FAM20B: variants seen among roughly 807,000 people sequenced by gnomAD.
The protein encoded by FAM20B is FAM20B glycosaminoglycan xylosylkinase.
A neutral mutation model predicts 43.8 loss-of-function variants in FAM20B; 23 were observed. That is an observed-to-expected ratio of 0.53 (90% CI 0.38 to 0.74). FAM20B has a LOEUF of 0.74. FAM20B is among the 30% of genes least tolerant of loss of function. The pLI is 0.00. For missense variants in FAM20B, 440 were observed against 510.5 expected (o/e 0.86, Z 1.33); for synonymous variants, 178 against 192.4 (o/e 0.93, Z 0.62).
At chr1:179,071,782 T>C (rs1315665737) in intron 7 of FAM20B, 131 bp from the exon 8 acceptor site, 1 of 676,340 alleles carries the variant, frequency 1.5e-6, no homozygotes, top group Non-Finnish European at 2.6e-6. Flanking sequence ...TAGGGGTAAT[T>C]CTAAAGCAAA....
chr1:179,039,431 C>T (rs1343908360), intron 1 of FAM20B, among the ~76,000 whole-genome samples: 1 of 152,172 alleles, frequency 6.6e-6, no homozygotes, highest in Non-Finnish European at 1.5e-5. Context: ...TATGCTTGAC[C>T]ATTCCAGACG....
chr1:179,032,345 A>G (rs1310484087), intron 1 of FAM20B, among the ~76,000 whole-genome samples: 2 of 121,292 alleles, frequency 1.6e-5, no homozygotes, highest in East Asian at 2.5e-4. Context: ...TTTTTGAGAC[A>G]GGATCTTGCT....
intron 6 of FAM20B, among the ~76,000 whole-genome samples, chr1:179,066,036 A>G (rs1263548905): frequency 5.3e-5 from 8 of 152,288 alleles, no homozygotes; most frequent in African/African-American, 1.7e-4. Flanking sequence ...CAAAGGCCCT[A>G]CTTCTTAATA....
intron 4 of FAM20B, among the ~76,000 whole-genome samples, chr1:179,063,080 C>T (rs12089188): frequency 0.023 from 3,499 of 152,268 alleles, 88 homozygotes; most frequent in East Asian, 0.073. Context: ...AGTTTTGAGA[C>T]CAGCCTGACC....
chr1:179,058,845 G>T (rs1048851809), intron 4 of FAM20B, among the ~76,000 whole-genome samples: 4 of 152,162 alleles, frequency 2.6e-5, no homozygotes, highest in African/African-American at 9.7e-5. Context: ...AAAGAATTTG[G>T]TGAACATTTG....
intron 4 of FAM20B, among the ~76,000 whole-genome samples, chr1:179,059,782 G>T (rs1465401333): frequency 6.6e-6 from 1 of 151,882 alleles, no homozygotes; most frequent in African/African-American, 2.4e-5. Flanking sequence ...GACCAGCCTG[G>T]CCAACATGAT....
Position 179,043,905 on chromosome 1 carries a change from A to C in FAM20B, c.58A>C (p.Thr20Pro). The C allele has an allele frequency of 6.2e-7, 1 of 1,611,056 alleles. No individual in the cohort carries two copies. Among genetic ancestry groups the C allele is most frequent in the Non-Finnish European group, 8.5e-7 (1 of 1,177,354 alleles). ...LAILLVIFIF[T>P]KVFLIDNLDT... ...AATTCTCCTTGTCATTTTTATCTTC[A>C]CCAAAGTTTTCCTGATTGACAACTT... The change falls in exon 2 of 8, where the codon ACC (threonine) becomes CCC (proline). Residue 20 changes from threonine (T) to proline (P), a missense_variant. By Grantham distance (38) the Thr-to-Pro change is conservative. Coordinates refer to ENST00000263733, the MANE Select transcript of FAM20B (RefSeq NM_014864.4).
intron 3 of FAM20B, among the ~76,000 whole-genome samples, chr1:179,051,388 G>T (rs1258951748): frequency 1.3e-5 from 2 of 151,966 alleles, no homozygotes; most frequent in Admixed American, 1.3e-4. Flanking sequence ...ACTTTAGGAG[G>T]CTGAGGTGGG....
At chr1:179,050,108 C>G (rs895509805) in intron 2 of FAM20B, among the ~76,000 whole-genome samples, 171 bp from the exon 3 acceptor site, 4 of 152,202 alleles carry the variant, frequency 2.6e-5, no homozygotes, top group Admixed American at 2.6e-4. Context: ...TCTACCTCAT[C>G]TTCATTCCAT....
chr1:179,070,512 C>T (rs1396625721), intron 7 of FAM20B, among the ~76,000 whole-genome samples: 3 of 135,908 alleles, frequency 2.2e-5, no homozygotes, highest in South Asian at 2.3e-4. Context: ...GGGCTGAACT[C>T]GCCTTTTTTT....
chr1:179,040,754 G>A (rs895161991), intron 1 of FAM20B, among the ~76,000 whole-genome samples: 2 of 147,966 alleles, frequency 1.4e-5, no homozygotes, highest in Non-Finnish European at 3.0e-5. Context: ...CCTGGCGGGG[G>A]CTGACCCCCA....
intron 3 of FAM20B, among the ~76,000 whole-genome samples, chr1:179,052,873 C>A (rs570013684): frequency 7.9e-5 from 12 of 152,156 alleles, no homozygotes; most frequent in Non-Finnish European, 1.6e-4. Context: ...TGTTGGAAAC[C>A]AACAGGCATA....
At chr1:179,062,650 A>T (rs1363435837) in intron 4 of FAM20B, among the ~76,000 whole-genome samples, 1 of 152,074 alleles carries the variant, frequency 6.6e-6, no homozygotes, top group Non-Finnish European at 1.5e-5. Context: ...ACTCCATCTC[A>T]AAAAAAGAAA....
chr1:179,067,128 T>G (rs1447923922), intron 7 of FAM20B, among the ~76,000 whole-genome samples: 11 of 150,818 alleles, frequency 7.3e-5, no homozygotes, highest in Admixed American at 6.0e-4. Context: ...TAGCAGAATA[T>G]AATCACCCAC....
intron 4 of FAM20B, among the ~76,000 whole-genome samples, chr1:179,058,684 G>A (rs1275626875): frequency 2.6e-5 from 4 of 152,176 alleles, no homozygotes; most frequent in Admixed American, 1.3e-4. Flanking sequence ...TTTCAAGAGC[G>A]AATTGTGGCA....
At position 179,064,049 on chromosome 1, in the gene FAM20B, A is replaced by G; in HGVS notation, c.697A>G (p.Lys233Glu). ...LWLPDVWPLQ[K>E]HRHPWGRTYR... ...GCTTCCAGATGTGTGGCCTCTGCAGAAGCACCGTCACCCATGGGGCAGGAC... is the reference window on the plus strand; with the variant it reads ...GCTTCCAGATGTGTGGCCTCTGCAGGAGCACCGTCACCCATGGGGCAGGAC... Residue 233 changes from lysine to glutamate, a missense_variant, in exon 5 of 8, where the codon AAG (lysine) becomes GAG (glutamate). Physicochemically the swap from Lys to Glu is moderately conservative, Grantham distance 56 (BLOSUM62 1). Transcript: ENST00000263733. 1 of 1,614,116 alleles carries G rather than the reference A, an allele frequency of 6.2e-7. No individual in the cohort carries two copies. The highest frequency in any genetic ancestry group is 1.1e-5 in the South Asian group (1 of 91,082).
At chr1:179,063,742 T>A (rs1399953312) in intron 4 of FAM20B, among the ~76,000 whole-genome samples, 185 bp from the exon 5 acceptor site, 1 of 152,120 alleles carries the variant, frequency 6.6e-6, no homozygotes, top group Non-Finnish European at 1.5e-5. Context: ...ACTTTTTAAA[T>A]TTTTTTTACA....
chr1:179,041,514 GGTGT>G (rs1257263288), intron 1 of FAM20B, among the ~76,000 whole-genome samples: 1 of 152,222 alleles, frequency 6.6e-6, no homozygotes, highest in Non-Finnish European at 1.5e-5. Context: ...AAACCAGTCA[GGTGT>G]GGCAGGCTGA....
At chr1:179,060,167 T>C (rs1202933357) in intron 4 of FAM20B, among the ~76,000 whole-genome samples, 1 of 152,130 alleles carries the variant, frequency 6.6e-6, no homozygotes, top group Non-Finnish European at 1.5e-5. Flanking sequence ...TGCATCTTAC[T>C]TTTTTTACTT....
Sources: allele counts gnomAD v4.1 joint callset (sites outside exome capture counted in the v4.1 genomes callset), GRCh38; gene constraint gnomAD v4.1.1; transcripts MANE v1.5; gene names NCBI Gene and HGNC (gene_info 2026-07-23, HGNC 2026-07-21).